Variants in PSD4 observed in about 807,000 individuals in gnomAD.
The protein encoded by PSD4 is pleckstrin and Sec7 domain containing 4.
PSD4 carries 59 observed loss-of-function variants against 112.5 expected under a neutral mutation model. The ratio of observed to expected loss-of-function variants is 0.52; its 90% CI spans 0.43 to 0.65. The LOEUF (loss-of-function observed/expected upper bound fraction) is 0.65, where lower values mean the gene tolerates loss of function less well. PSD4 is among the 30% of genes least tolerant of loss of function. The pLI is 0.00. For synonymous variants in PSD4, 533 were observed against 540.0 expected (o/e 0.99, Z 0.18); for missense variants, 1,267 against 1,352.6 (o/e 0.94, Z 0.99).
chr2:113,192,124 G>A (rs191087496), intron 5 of PSD4, among the ~76,000 whole-genome samples: 38 of 151,902 alleles, frequency 2.5e-4, no homozygotes, highest in Middle Eastern at 6.8e-3. Context: ...AGATAAACTC[G>A]GAACATGGCT....
At position 113,183,320 on chromosome 2, in the gene PSD4, G is replaced by C; in HGVS notation, c.864G>C (p.Glu288Asp). Residue 288 changes from glutamate (E) to aspartate (D), a missense_variant, in exon 2 of 17, where the codon GAG (glutamate) becomes GAC (aspartate). Transcript: ENST00000245796. The stretch of plus-strand genomic sequence containing the variant: ...GACCTGAGAGCCCAGCGACTCTGGA[G>C]CCTCCCCTCCCAGAAGACACAGTGC... The part of the protein sequence containing the change: ...RTGPESPATL[E>D]PPLPEDTVLW... The C allele has an allele frequency of 6.2e-7, 1 of 1,607,764 alleles. No homozygotes were observed. Among genetic ancestry groups the C allele is most frequent in the Non-Finnish European group, 8.5e-7 (1 of 1,176,418 alleles).
Position 113,193,871 on chromosome 2 carries a change from A to G in PSD4, c.2104A>G (p.Ser702Gly). 1 of 1,614,086 alleles carries G rather than the reference A, an allele frequency of 6.2e-7. No homozygotes were observed. Among genetic ancestry groups the G allele is most frequent in the Non-Finnish European group, 8.5e-7 (1 of 1,179,994 alleles). The change falls in exon 10 of 17, where the codon AGC becomes GGC. Residue 702 changes from serine (S) to glycine (G), a missense_variant. By Grantham distance (56) the Ser-to-Gly change is moderately conservative. This residue lies in a region of PSD4 where 544 missense variants were observed against 648.6 expected (regional missense o/e 0.84). Transcript: ENST00000245796. ...TCCGTGGCTACAGAACATTGGGAAG[A>G]GCATGAGCTGCCAGGAATTCATAAC... ...TDLHGQNIGK[S>G]MSCQEFITNL...
chr2:113,183,383 CGCT>C lies in PSD4; in HGVS notation c.931_933del (p.Ala311del), dbSNP rs1558887788. 1 of 1,576,922 alleles carries C rather than the reference CGCT, an allele frequency of 6.3e-7. No homozygotes were observed. The highest frequency in any genetic ancestry group is 8.6e-7 in the Non-Finnish European group (1 of 1,160,576). On this transcript the variant is annotated inframe_deletion, in exon 2 of 17. Transcript: ENST00000245796. Reference sequence around the variant, plus strand: ...AAAGTGAGCCAGATTTGGGGGACGGCGCTGCTATCAGTGGGCATTGTACCCCTC... The same window carrying C: ...AAAGTGAGCCAGATTTGGGGGACGGCGCTATCAGTGGGCATTGTACCCCTC...
chr2:113,193,600 C>T lies in PSD4; in HGVS notation c.2041C>T (p.His681Tyr). 1 of 1,613,396 alleles carries T rather than the reference C, an allele frequency of 6.2e-7. No individual in the cohort carries two copies. Among genetic ancestry groups the T allele is most frequent in the Non-Finnish European group, 8.5e-7 (1 of 1,179,322 alleles). ...ACCTATCTCTGGGGTAGATTCTGTA[C>T]ACACCTTGACATGTGCAATCATGCT... ...PGIFPSVDSV[H>Y]TLTCAIMLLN... The change falls in exon 9 of 17, where the codon CAC (histidine) becomes TAC (tyrosine). Residue 681 changes from histidine (H) to tyrosine (Y), a missense_variant. Transcript: ENST00000245796.
Position 113,183,085 on chromosome 2 carries a change from A to T in PSD4, c.629A>T (p.Asp210Val). 6.2e-7 allele frequency: 1 copy of T among 1,613,072 alleles called. No homozygotes were observed. The highest frequency in any genetic ancestry group is 8.5e-7 in the Non-Finnish European group (1 of 1,179,334). Reference protein sequence around the residue: ...GLHSSPPENEDSGEDSSEPEG... With the variant: ...GLHSSPPENEVSGEDSSEPEG... ...CACTCCAGCCCACCTGAGAATGAAG[A>T]CTCAGGGGAAGACAGCAGTGAGCCT... Residue 210 changes from aspartate (D) to valine (V), a missense_variant, in exon 2 of 17, where the codon GAC becomes GTC. Asp to Val is a radical substitution (Grantham distance 152). Around this residue, in one of 2 missense-constraint regions of PSD4, gnomAD observed 723 missense variants for 704.0 expected, o/e 1.03. Coordinates refer to ENST00000245796, the MANE Select transcript of PSD4 (RefSeq NM_012455.3).
At chr2:113,185,200 TC>T in intron 3 of PSD4, 127 bp downstream of exon 3, 1 of 1,559,974 alleles carries the variant, frequency 6.4e-7, no homozygotes, top group East Asian at 2.3e-5. Flanking sequence ...GGACTCCCCT[TC>T]TGAACTGAGG....
chr2:113,187,744 T>C lies in PSD4; in HGVS notation c.1628+1489T>C, dbSNP rs911425765. On this transcript the variant is annotated intron_variant, in intron 5 of 16. Coordinates refer to ENST00000245796, the MANE Select transcript of PSD4 (RefSeq NM_012455.3). ...TTGAACCAGTAAGCAGGAGTCATCA[T>C]AATATGAAAACGTTCCCTGATAAAC... 2.6e-5 allele frequency among the ~76,000 whole-genome samples: 4 copies of C among 152,214 alleles called. 1 individual carries two copies. The highest frequency in any genetic ancestry group is 9.6e-5 in the African/African-American group (4 of 41,454).
chr2:113,191,067 T>A (rs1573366731), intron 5 of PSD4, among the ~76,000 whole-genome samples: 2 of 152,326 alleles, frequency 1.3e-5, no homozygotes, highest in South Asian at 4.1e-4. Context: ...CTACCAAGCC[T>A]CTGAACCTCT....
At position 113,193,893 on chromosome 2, in the gene PSD4, T is replaced by C; in HGVS notation, c.2126T>C (p.Ile709Thr). Reference protein sequence around the residue: ...IGKSMSCQEFITNLNGLRDGG... With the variant: ...IGKSMSCQEFTTNLNGLRDGG... The stretch of plus-strand genomic sequence containing the variant: ...AAGAGCATGAGCTGCCAGGAATTCA[T>C]AACCAACCTGAATGGGCTGAGGGAT... Residue 709 changes from isoleucine to threonine, a missense_variant, in exon 10 of 17, where the codon ATA (isoleucine) becomes ACA (threonine). Coordinates refer to ENST00000245796, the MANE Select transcript of PSD4 (RefSeq NM_012455.3). 6.2e-7 allele frequency: 1 copy of C among 1,614,128 alleles called. No homozygotes were observed. The highest frequency in any genetic ancestry group is 8.5e-7 in the Non-Finnish European group (1 of 1,180,020).
chr2:113,202,407 G>GGCTCGGGAGACTTTTCTGT lies in PSD4; in HGVS notation c.*997_*1015dup, dbSNP rs1419241492. On this transcript the variant is annotated 3_prime_UTR_variant, in exon 17 of 17. Coordinates refer to ENST00000245796, the MANE Select transcript of PSD4 (RefSeq NM_012455.3). ...TGGCGACCAGGCGAGGCCTAGGCCA[G>GGCTCGGGAGACTTTTCTGT]GCTCGGGAGACTTTTCTGTGCTCCT... 2.0e-5 allele frequency: 3 copies of GGCTCGGGAGACTTTTCTGT among 152,386 alleles called. No homozygotes were observed. The highest frequency in any genetic ancestry group is 4.4e-5 in the Non-Finnish European group (3 of 68,152). The allele number at this position is 152,386 out of a possible 1,614,324, so 9.4% of individuals were successfully genotyped here.
intron 5 of PSD4, among the ~76,000 whole-genome samples, chr2:113,191,223 T>C (rs188814366): frequency 5.9e-4 from 90 of 152,330 alleles, no homozygotes; most frequent in African/African-American, 2.1e-3. Context: ...CTGTGTTAGA[T>C]AGTGAGGGTG....
At position 113,186,148 on chromosome 2, in the gene PSD4, G is replaced by C. The variant is rs1339746742; in HGVS notation, c.1521G>C (p.Glu507Asp). Residue 507 changes from glutamate to aspartate, a missense_variant, in exon 5 of 17, where the codon GAG (glutamate) becomes GAC (aspartate). Transcript: ENST00000245796. ...AGCCAAGTTCCTTGAAGAAAAAGGA[G>C]GCAGGGGAGGCCCCAAAACCAGGCG... Reference protein sequence around the residue: ...GEQPSSLKKKEAGEAPKPGEE... With the variant: ...GEQPSSLKKKDAGEAPKPGEE... 6.2e-7 allele frequency: 1 copy of C among 1,614,168 alleles called. No individual in the cohort carries two copies. Among genetic ancestry groups the C allele is most frequent in the Non-Finnish European group, 8.5e-7 (1 of 1,180,048 alleles).
In PSD4 at chr2:113,203,104, C is replaced by G. The variant is rs952537078; in HGVS notation, c.*1689C>G. On this transcript the variant is annotated 3_prime_UTR_variant, in exon 17 of 17. Coordinates refer to ENST00000245796, the MANE Select transcript of PSD4 (RefSeq NM_012455.3). ...AGGCCATCAAAGCTGGAGGAGACCT[C>G]AGAATCATTCATTCACCTACTTGCT... 1 of 152,304 alleles carries G rather than the reference C, an allele frequency of 6.6e-6. No individual in the cohort carries two copies. Among genetic ancestry groups the G allele is most frequent in the African/African-American group, 2.4e-5 (1 of 41,470 alleles). The allele number at this position is 152,304 out of a possible 1,614,324, so 9.4% of individuals were successfully genotyped here. A position where few individuals can be genotyped will look rare whatever the true frequency, so the allele number is the denominator to read the frequency against.
In PSD4 at chr2:113,197,782, G is replaced by T. The variant is rs749013214; in HGVS notation, c.2493G>T (p.Leu831Phe). ...GEDHCLEGES[L>F]VGQMVDEPVG... ...ACCACTGTCTGGAGGGGGAGAGCTT[G>T]GTGGGGCAGATGGTGGATGAGCCCG... The change falls in exon 14 of 17, where the codon TTG becomes TTT. Residue 831 changes from leucine to phenylalanine, a missense_variant. This residue lies in a region of PSD4 where 544 missense variants were observed against 648.6 expected (regional missense o/e 0.84). Transcript: ENST00000245796. The T allele has an allele frequency of 6.2e-7, 1 of 1,610,876 alleles. No individual in the cohort carries two copies. The highest frequency in any genetic ancestry group is 1.1e-5 in the South Asian group (1 of 90,992).
chr2:113,185,293 T>A (rs1301772110), intron 3 of PSD4, 72 bp from the exon 4 acceptor site: 6 of 1,592,858 alleles, frequency 3.8e-6, no homozygotes, highest in African/African-American at 1.3e-5. Flanking sequence ...CCCTTCTCCC[T>A]GCCTGGCCTC....
Position 113,206,039 on chromosome 2 carries a change from C to T in PSD4, c.*4624C>T, listed in dbSNP as rs1397461918. ...TCCACAAGCCTGTGACCAACTGTTC[C>T]CCTCAGCCGGCACACTGGCTCCTCT... On this transcript the variant is annotated 3_prime_UTR_variant, in exon 17 of 17. Coordinates refer to ENST00000245796, the MANE Select transcript of PSD4 (RefSeq NM_012455.3). 1 of 152,562 alleles carries T rather than the reference C, an allele frequency of 6.6e-6. No individual in the cohort carries two copies. The highest frequency in any genetic ancestry group is 1.5e-5 in the Non-Finnish European group (1 of 68,290). The allele number at this position is 152,562 out of a possible 1,614,324, so 9.5% of individuals were successfully genotyped here.
In PSD4 at chr2:113,201,546, C is replaced by A; in HGVS notation, c.*131C>A. The A allele has an allele frequency of 7.8e-7, 1 of 1,282,546 alleles. No homozygotes were observed. 79.4% of individuals were successfully genotyped at this position (1,282,546 alleles called of 1,614,324 possible). A position where few individuals can be genotyped will look rare whatever the true frequency, so the allele number is the denominator to read the frequency against. On this transcript the variant is annotated 3_prime_UTR_variant, in exon 17 of 17. Transcript: ENST00000245796. ...CCTCCTTTCCCTGCTGAAGGACAAA[C>A]CTTGTTTCCCTGTGGCCCTCATTCT...
At position 113,182,261 on chromosome 2, in the gene PSD4, C is replaced by A. The variant is rs763327196; in HGVS notation, c.-111-85C>A. On this transcript the variant is annotated intron_variant, in intron 1 of 16. Coordinates refer to ENST00000245796, the MANE Select transcript of PSD4 (RefSeq NM_012455.3). ...GCAGCAGGCATAGATGGGGAAGACA[C>A]TCCAAACACATCTAACACACTACAC... 4.0e-5 allele frequency: 23 copies of A among 577,884 alleles called. No individual in the cohort carries two copies. The South Asian group carries it at 5.3e-4, about 13-fold the overall frequency. 35.8% of individuals were successfully genotyped at this position (577,884 alleles called of 1,614,324 possible).
intron 12 of PSD4, chr2:113,196,585 T>A: frequency 2.8e-6 from 1 of 355,468 alleles, no homozygotes; most frequent in Non-Finnish European, 5.1e-6. Flanking sequence ...TGTGTCAATG[T>A]CTGCGAAAAA....
Sources: gnomAD v4.1 joint callset for allele counts (sites outside exome capture counted in the v4.1 genomes callset) on GRCh38, gnomAD v4.1.1 for gene constraint, gnomAD v4.1.1 regional missense constraint, MANE v1.5 for transcripts, NCBI Gene and HGNC (gene_info 2026-07-23, HGNC 2026-07-21) for gene names.